Variants in PIK3C2G observed in about 807,000 individuals in gnomAD.
PIK3C2G encodes the protein phosphatidylinositol 3-kinase C2 domain-containing subunit gamma.
PIK3C2G carries 168 observed loss-of-function variants against 181.1 expected under a neutral mutation model. That is an observed-to-expected ratio of 0.93 (90% CI 0.82 to 1.05). The LOEUF is 1.05. Ranked by LOEUF, PIK3C2G falls within the 50% of genes least tolerant of loss-of-function variation. The pLI is 0.00. For synonymous variants in PIK3C2G, 573 were observed against 592.2 expected, an observed-to-expected ratio of 0.97 and a Z score of 0.47; for missense variants, 1,869 against 1,732.8, an observed-to-expected ratio of 1.08 and a Z score of -1.40.
In PIK3C2G at chr12:18,286,915, C is replaced by A; in HGVS notation, c.747C>A (p.Cys249Ter). 6.4e-7 allele frequency: 1 copy of A among 1,555,718 alleles called. No individual in the cohort carries two copies. Among genetic ancestry groups the A allele is most frequent in the Non-Finnish European group, 8.7e-7 (1 of 1,148,582 alleles). ...GCAATACGAGTCTGGCCTCTTTTTG[C>A]AACAAAGTAAAAAAGTGAGTACTGG... ...QSSNTSLASF[C>*]NKVKKIRERY... Residue 249 changes from cysteine to a stop codon, truncating the protein, a stop_gained, in exon 3 of 33, where the codon TGC becomes TGA. Transcript: ENST00000538779. LOFTEE classifies it high-confidence loss of function.
chr12:18,290,680 T>G (rs531044874), intron 3 of PIK3C2G, among the ~76,000 whole-genome samples, 175 bp from the exon 4 acceptor site: 1 of 152,292 alleles, frequency 6.6e-6, no homozygotes, highest in Admixed American at 6.5e-5. Context: ...TCTCTACCAA[T>G]CTGGACTAGC....
At position 18,338,442 on chromosome 12, in the gene PIK3C2G, T is replaced by C; in HGVS notation, c.1289T>C (p.Ile430Thr). The change falls in exon 9 of 33, where the codon ATT (isoleucine) becomes ACT (threonine). Residue 430 changes from isoleucine to threonine, a missense_variant. Transcript: ENST00000538779. ...LLKTQENVYN[I>T]IEEVKKICSV... ...TATCTACAGGAAAACGTGTATAATA[T>C]TATTGAAGAAGTTAAAAAAATATGC... The C allele has an allele frequency of 6.4e-7, 1 of 1,568,586 alleles. No homozygotes were observed. The highest frequency in any genetic ancestry group is 8.8e-7 in the Non-Finnish European group (1 of 1,141,792).
upstream of PIK3C2G, among the ~76,000 whole-genome samples, chr12:18,258,657 A>G (rs1181181375): frequency 6.7e-6 from 1 of 149,542 alleles, no homozygotes; most frequent in Admixed American, 6.7e-5. Flanking sequence ...TATTATATAT[A>G]TGTACTCATT....
chr12:18,446,464 A>T (rs1236107037), intron 18 of PIK3C2G, among the ~76,000 whole-genome samples: 1 of 151,984 alleles, frequency 6.6e-6, no homozygotes, highest in Non-Finnish European at 1.5e-5. Flanking sequence ...ATGGCCGCTG[A>T]CTCATTCCTG....
intron 24 of PIK3C2G, among the ~76,000 whole-genome samples, chr12:18,533,572 C>T (rs1453927803): frequency 6.6e-6 from 1 of 152,146 alleles, no homozygotes; most frequent in Non-Finnish European, 1.5e-5. Flanking sequence ...CCAAACCCTT[C>T]TCTGTATTGT....
At chr12:18,570,913 G>C (rs2136374155) in intron 29 of PIK3C2G, among the ~76,000 whole-genome samples, 1 of 150,842 alleles carries the variant, frequency 6.6e-6, no homozygotes, top group Middle Eastern at 3.4e-3. Flanking sequence ...ATTTGAAAGT[G>C]CAACTTATAT....
At chr12:18,327,413 AAAC>A (rs888311589) in intron 8 of PIK3C2G, among the ~76,000 whole-genome samples, 5 of 152,238 alleles carry the variant, frequency 3.3e-5, no homozygotes, top group African/African-American at 9.6e-5. Context: ...TGATTTGAAA[AAAC>A]AACAAGCATG....
chr12:18,693,223 C>T, the PIK3C2G span: 20 of 1,567,192 alleles, frequency 1.3e-5, no homozygotes, highest in Admixed American at 6.7e-5. Context: ...CCTGGCTGCT[C>T]GGTCAGGCTC....
At chr12:18,427,035 G>T (rs1336147644) in intron 18 of PIK3C2G, among the ~76,000 whole-genome samples, 2 of 152,070 alleles carry the variant, frequency 1.3e-5, no homozygotes, top group Non-Finnish European at 2.9e-5. Flanking sequence ...GTGTTCTGCT[G>T]TCATATTAAA....
intron 28 of PIK3C2G, among the ~76,000 whole-genome samples, chr12:18,564,422 A>C (rs1269394994): frequency 3.3e-5 from 5 of 150,966 alleles, no homozygotes; most frequent in Non-Finnish European, 7.4e-5. Flanking sequence ...TACCTGGCAT[A>C]CTTGATACAT....
At chr12:18,688,180 T>A in the PIK3C2G span, 2 of 1,611,118 alleles carry the variant, frequency 1.2e-6, no homozygotes, top group South Asian at 1.1e-5. Flanking sequence ...CTTTGTTAGA[T>A]GATGAATGAG....
At chr12:18,523,900 G>A (rs970711706) in intron 24 of PIK3C2G, among the ~76,000 whole-genome samples, 1 of 152,218 alleles carries the variant, frequency 6.6e-6, no homozygotes, top group Non-Finnish European at 1.5e-5. Flanking sequence ...ACTTGTGAGA[G>A]CATCTGGGCT....
chr12:18,654,304 A>G, the PIK3C2G span, among the ~76,000 whole-genome samples: 200 of 152,120 alleles, frequency 1.3e-3, 2 homozygotes, highest in African/African-American at 4.3e-3. Flanking sequence ...TAAAAAAAAA[A>G]AAAAAAATCT....
At position 18,291,891 on chromosome 12, in the gene PIK3C2G, C is replaced by CA. The variant is rs201787425; in HGVS notation, c.919+895dup. On this transcript the variant is annotated intron_variant, in intron 4 of 32. Transcript: ENST00000538779. ...AGAAACCAATTCCTGCTAGCTTAAGCAAAAAAAAAAAAAAAATTGTTTTAA... is the reference window on the plus strand; with the variant it reads ...AGAAACCAATTCCTGCTAGCTTAAGCAAAAAAAAAAAAAAAAATTGTTTTAA... Among the ~76,000 whole-genome samples the CA allele has an allele frequency of 6.6e-3, 739 of 112,280 alleles. 7 individuals carry two copies. The highest frequency in any genetic ancestry group is 0.031 in the South Asian group (107 of 3,498). 73.7% of individuals were successfully genotyped at this position (112,280 alleles called of 152,430 possible). A position where few individuals can be genotyped will look rare whatever the true frequency, so the allele number is the denominator to read the frequency against.
the PIK3C2G span, among the ~76,000 whole-genome samples, chr12:18,691,227 G>A: frequency 6.6e-6 from 1 of 152,130 alleles, no homozygotes; most frequent in African/African-American, 2.4e-5. Flanking sequence ...TTTCTAGTCC[G>A]AGCAGAGTGG....
intron 1 of PIK3C2G, among the ~76,000 whole-genome samples, chr12:18,278,294 C>T (rs1254509537): frequency 2.0e-5 from 3 of 152,260 alleles, no homozygotes; most frequent in South Asian, 2.1e-4. Flanking sequence ...CCTCTAGAGA[C>T]GTCTTATGTT....
intron 24 of PIK3C2G, among the ~76,000 whole-genome samples, chr12:18,530,356 T>C (rs1329092417): frequency 6.6e-6 from 1 of 152,164 alleles, no homozygotes; most frequent in Non-Finnish European, 1.5e-5. Context: ...ATAATTCATT[T>C]TTCTTGAATA....
At chr12:18,700,411 T>A in the PIK3C2G span, among the ~76,000 whole-genome samples, 1 of 149,148 alleles carries the variant, frequency 6.7e-6, no homozygotes, top group Non-Finnish European at 1.5e-5. Flanking sequence ...TCAATCCAAG[T>A]ATGAGTCAGG....
intron 29 of PIK3C2G, among the ~76,000 whole-genome samples, chr12:18,585,623 G>A (rs183354470): frequency 6.6e-6 from 1 of 152,238 alleles, no homozygotes; most frequent in African/African-American, 2.4e-5. Flanking sequence ...TCCACTGACA[G>A]TACTAGACAG....
Sources: allele counts gnomAD v4.1 joint callset (sites outside exome capture counted in the v4.1 genomes callset), GRCh38; gene constraint gnomAD v4.1.1; transcripts MANE v1.5; gene names NCBI Gene and HGNC (gene_info 2026-07-23, HGNC 2026-07-21).